The following PCDHA5 variants were observed in gnomAD, a reference collection of about 807,000 sequenced individuals.
PCDHA5 encodes protocadherin alpha 5, also known as protocadherin alpha-5.
PCDHA5 carries 43 observed loss-of-function variants against 61.6 expected under a neutral mutation model. The observed-to-expected ratio is 0.70, with a 90% CI of 0.55 to 0.90. PCDHA5 has a LOEUF of 0.90. PCDHA5 is among the 40% of genes least tolerant of loss of function. PCDHA5 has a pLI of 0.00. For missense variants in PCDHA5, 1,298 were observed against 1,222.7 expected (o/e 1.06, Z -0.92); for synonymous variants, 627 against 543.9 (o/e 1.15, Z -2.13).
chr5:140,954,532 GT>G (rs1274213608), intron 1 of PCDHA5, among the ~76,000 whole-genome samples: 7 of 152,088 alleles, frequency 4.6e-5, no homozygotes, highest in Non-Finnish European at 5.9e-5. Context: ...TGATGTTGAG[GT>G]TTTTTTCATA....
chr5:140,848,909 G>A lies in PCDHA5; in HGVS notation c.2352+24782G>A, dbSNP rs2150424301. On this transcript the variant is annotated intron_variant, in intron 1 of 3. Coordinates refer to ENST00000529859, the MANE Select transcript of PCDHA5 (RefSeq NM_018908.3). ...CTCCAGTGTTCCCAGCGACACAAAA[G>A]AATCTGTTCATCGCGGAATCCAGGC... 5 of 1,608,122 alleles carry A rather than the reference G, an allele frequency of 3.1e-6. No homozygotes were observed. In the African/African-American group the frequency reaches 4.1e-5, roughly 13 times the overall value.
chr5:140,941,286 CTCTT>C (rs5871754), intron 1 of PCDHA5, among the ~76,000 whole-genome samples: 36,780 of 106,460 alleles, frequency 0.35, 6,423 homozygotes, highest in East Asian at 0.56. Flanking sequence ...TCCTTCCTTT[CTCTT>C]TCTTTCTTTC....
chr5:140,856,332 G>A, intron 1 of PCDHA5: 2 of 1,598,636 alleles, frequency 1.3e-6, no homozygotes, highest in East Asian at 2.2e-5. Context: ...GAGGAGCTGT[G>A]CGGGCGGAGC....
intron 1 of PCDHA5, among the ~76,000 whole-genome samples, chr5:140,951,383 G>A (rs782698893): frequency 1.2e-4 from 19 of 152,064 alleles, no homozygotes; most frequent in Non-Finnish European, 2.6e-4. Flanking sequence ...CCAAGACTCG[G>A]TAATTTATAA....
intron 3 of PCDHA5, among the ~76,000 whole-genome samples, chr5:140,988,254 T>G (rs910037234): frequency 6.6e-6 from 1 of 152,188 alleles, no homozygotes; most frequent in East Asian, 1.9e-4. Context: ...AGCTCCCGCC[T>G]GTGAGTATCC....
rs2150118591 is a variant in PCDHA5, at chr5:140,822,689, G to A, written c.914G>A (p.Gly305Glu). Residue 305 changes from glycine (G) to glutamate (E), a missense_variant, in exon 1 of 4, where the codon GGG (glycine) becomes GAG (glutamate). Physicochemically the swap from Gly to Glu is moderately conservative, Grantham distance 98. Coordinates refer to ENST00000529859, the MANE Select transcript of PCDHA5 (RefSeq NM_018908.3). ...AATACTGGTGAAATAAAAGTTAACG[G>A]GGAACTGGATTATGAAGACTATAAC... ...NSNTGEIKVNGELDYEDYNSY... is the reference protein window; with the variant it reads ...NSNTGEIKVNEELDYEDYNSY... 13 of 1,609,572 alleles carry A rather than the reference G, an allele frequency of 8.1e-6. No homozygotes were observed.
At chr5:140,868,860 A>C (rs2050688614) in intron 1 of PCDHA5, 1 of 525,418 alleles carries the variant, frequency 1.9e-6, no homozygotes, top group Admixed American at 3.7e-5. Context: ...GTGGTGGTAA[A>C]TGCAGTGCAC....
intron 1 of PCDHA5, chr5:140,859,021 T>C (rs537770888): frequency 6.6e-6 from 1 of 151,436 alleles, no homozygotes; most frequent in Admixed American, 6.6e-5. Context: ...GCAATTAAGT[T>C]AAATGCTTTG....
Position 141,010,188 on chromosome 5 carries a change from T to A in PCDHA5, c.*251T>A. ...CAGAACCTAAAAAGCAGACCCAAGT[T>A]TCCTTTCTCCTCCGCCGCAAAGGAG... is the stretch of plus-strand genomic sequence containing the variant. On this transcript the variant is annotated 3_prime_UTR_variant, in exon 4 of 4. Coordinates refer to ENST00000529859, the MANE Select transcript of PCDHA5 (RefSeq NM_018908.3). 6.4e-7 allele frequency: 1 copy of A among 1,553,070 alleles called. No individual in the cohort carries two copies. The highest frequency in any genetic ancestry group is 1.2e-5 in the South Asian group (1 of 84,340).
At chr5:141,001,333 T>G (rs1554258097) in intron 3 of PCDHA5, among the ~76,000 whole-genome samples, 1 of 152,178 alleles carries the variant, frequency 6.6e-6, no homozygotes, top group African/African-American at 2.4e-5. Context: ...TCACCATAAT[T>G]TACATGATGT....
chr5:140,840,057 T>C (rs1217899995), intron 1 of PCDHA5, among the ~76,000 whole-genome samples: 1 of 152,054 alleles, frequency 6.6e-6, no homozygotes, highest in Non-Finnish European at 1.5e-5. Flanking sequence ...TCTAATGTCT[T>C]GACAATTAGT....
At chr5:140,867,729 A>C (rs1274161997) in intron 1 of PCDHA5, 1 of 152,106 alleles carries the variant, frequency 6.6e-6, no homozygotes, top group Non-Finnish European at 1.5e-5. Context: ...AAAGACAAAG[A>C]AAATTCAAGC....
At chr5:140,839,227 T>C (rs1776100105) in intron 1 of PCDHA5, among the ~76,000 whole-genome samples, 1 of 152,010 alleles carries the variant, frequency 6.6e-6, no homozygotes, top group African/African-American at 2.4e-5. Context: ...AACTGTAATC[T>C]GTTTTTATTG....
chr5:140,825,383 AATAT>A (rs1355293929), intron 1 of PCDHA5: 2 of 143,660 alleles, frequency 1.4e-5, no homozygotes, highest in Non-Finnish European at 3.0e-5. Context: ...TAAAATATCT[AATAT>A]ATATCTAATA....
chr5:141,009,739 C>A lies in PCDHA5; in HGVS notation c.2613C>A (p.Pro871=), dbSNP rs370989006. Residue 871 remains proline, a synonymous_variant, in exon 4 of 4, where the codon CCC becomes CCA. Transcript: ENST00000529859. ...AACAATCCGGTCCCGGTGAGTTGCC[C>A]GACAAATTCATTATCCCAGGATCTC... ...NPKQSGPGEL[P]DKFIIPGSPA... 2 of 1,614,010 alleles carry A rather than the reference C, an allele frequency of 1.2e-6. No homozygotes were observed. Among genetic ancestry groups the A allele is most frequent in the Non-Finnish European group, 1.7e-6 (2 of 1,180,008 alleles).
At chr5:140,854,117 G>A (rs1311675249) in intron 1 of PCDHA5, 2 of 316,896 alleles carry the variant, frequency 6.3e-6, no homozygotes, top group African/African-American at 5.1e-5. Flanking sequence ...AACTGTGATG[G>A]CACAACTGCA....
chr5:140,897,174 G>C (rs1356780883), intron 1 of PCDHA5, among the ~76,000 whole-genome samples: 1 of 151,818 alleles, frequency 6.6e-6, no homozygotes, highest in Non-Finnish European at 1.5e-5. Context: ...TATCTCCATG[G>C]GTTCAAAAAA....
At chr5:140,947,648 T>C (rs1476825159) in intron 1 of PCDHA5, among the ~76,000 whole-genome samples, 1 of 151,646 alleles carries the variant, frequency 6.6e-6, no homozygotes, top group Non-Finnish European at 1.5e-5. Context: ...TGAACATATA[T>C]ACCTCCATTT....
At chr5:140,825,504 A>C (rs2150139800) in intron 1 of PCDHA5, 2 of 151,098 alleles carry the variant, frequency 1.3e-5, no homozygotes, top group South Asian at 4.2e-4. Context: ...GCAATGGTAC[A>C]ATCTTGGCCT....
Sources: allele counts gnomAD v4.1 joint callset (sites outside exome capture counted in the v4.1 genomes callset), GRCh38; gene constraint gnomAD v4.1.1; transcripts MANE v1.5; gene names NCBI Gene and HGNC (gene_info 2026-07-23, HGNC 2026-07-21).